Variants in ULK4 observed in about 807,000 individuals in gnomAD.
ULK4 encodes the protein unc-51 like kinase 4.
In ULK4, 133 loss-of-function variants were observed where a neutral mutation model predicts 160.6. That is an observed-to-expected ratio of 0.83 (90% confidence interval 0.72 to 0.96). The LOEUF is 0.96. ULK4 is among the 40% of genes least tolerant of loss of function. The pLI, the probability that ULK4 is intolerant of heterozygous loss-of-function variation, is 0.00. For synonymous variants in ULK4, 534 were observed against 539.8 expected (o/e 0.99, Z 0.15); for missense variants, 1,580 against 1,499.5 (o/e 1.05, Z -0.89).
chr3:41,298,485 G>C (rs149933104), intron 35 of ULK4, among the ~76,000 whole-genome samples: 5 of 152,240 alleles, frequency 3.3e-5, no homozygotes, highest in Non-Finnish European at 4.4e-5. Context: ...TTGCTATTTG[G>C]AAACATTGAA....
chr3:41,479,995 C>T (rs2084265307), intron 32 of ULK4, among the ~76,000 whole-genome samples: 1 of 152,112 alleles, frequency 6.6e-6, no homozygotes, highest in South Asian at 2.1e-4. Context: ...ATCGAGAGGT[C>T]AGGAGATCAA....
At chr3:41,770,081 G>C (rs548485337) in intron 21 of ULK4, among the ~76,000 whole-genome samples, 2 of 152,258 alleles carry the variant, frequency 1.3e-5, no homozygotes, top group Middle Eastern at 3.4e-3. Flanking sequence ...ATGTCTTTCA[G>C]AGAACACACA....
In ULK4 at chr3:41,896,807, G is replaced by A. The variant is rs1698174932; in HGVS notation, c.1530+15C>T. ...ACACAAATTAAAATGCATAAGGCAT[G>A]TCACACAGGCTTACCAGGGGGGAAT... is the stretch of plus-strand genomic sequence containing the variant. On this transcript the variant is annotated intron_variant, in intron 15 of 36. Coordinates refer to ENST00000301831, the MANE Select transcript of ULK4 (RefSeq NM_017886.4). The A allele has an allele frequency of 1.3e-6, 2 of 1,599,830 alleles. 1 individual carries two copies. The highest frequency in any genetic ancestry group is 2.2e-5 in the South Asian group (2 of 90,112).
chr3:41,379,244 A>T (rs1445589901), intron 35 of ULK4, among the ~76,000 whole-genome samples: 2 of 152,170 alleles, frequency 1.3e-5, no homozygotes, highest in Non-Finnish European at 2.9e-5. Context: ...AGTGTTCAGT[A>T]TCCTAAAAAA....
chr3:41,513,766 A>G (rs1017735144), intron 32 of ULK4, among the ~76,000 whole-genome samples: 2 of 152,258 alleles, frequency 1.3e-5, no homozygotes, highest in African/African-American at 4.8e-5. Flanking sequence ...CTAAGCTCTG[A>G]GGATGCAAAG....
intron 16 of ULK4, among the ~76,000 whole-genome samples, chr3:41,888,748 G>A (rs1559630655): frequency 7.0e-6 from 1 of 143,440 alleles, no homozygotes; most frequent in Non-Finnish European, 1.5e-5. Flanking sequence ...AGAGACTGTG[G>A]TCCTCCAGAT....
intron 5 of ULK4, among the ~76,000 whole-genome samples, chr3:41,927,125 A>C (rs1314599569): frequency 6.6e-6 from 1 of 152,234 alleles, no homozygotes; most frequent in African/African-American, 2.4e-5. Flanking sequence ...CGCAAAGGGA[A>C]GCCCATCAGA....
chr3:41,269,182 A>C (rs2079096658), intron 35 of ULK4, among the ~76,000 whole-genome samples: 1 of 152,176 alleles, frequency 6.6e-6, no homozygotes, highest in South Asian at 2.1e-4. Context: ...ATGTGTGATG[A>C]GCAGGACTAT....
intron 20 of ULK4, among the ~76,000 whole-genome samples, chr3:41,798,156 T>G (rs1374968324): frequency 6.6e-6 from 1 of 151,040 alleles, no homozygotes; most frequent in Non-Finnish European, 1.5e-5. Flanking sequence ...TTATGAGACT[T>G]TGGTGGGAAC....
intron 27 of ULK4, among the ~76,000 whole-genome samples, chr3:41,699,765 T>C (rs1270954878): frequency 1.3e-5 from 2 of 152,212 alleles, no homozygotes; most frequent in Admixed American, 1.3e-4. Context: ...TCTTCATGTA[T>C]TCCAGTCATG....
intron 35 of ULK4, among the ~76,000 whole-genome samples, chr3:41,392,110 T>G (rs1219034300): frequency 6.6e-6 from 1 of 152,110 alleles, no homozygotes; most frequent in Non-Finnish European, 1.5e-5. Context: ...TCTACAATCA[T>G]TGCCCTGGGA....
chr3:41,852,765 A>C (rs1186786255), intron 17 of ULK4, among the ~76,000 whole-genome samples: 1 of 152,130 alleles, frequency 6.6e-6, no homozygotes, highest in African/African-American at 2.4e-5. Flanking sequence ...GAAATGGAAC[A>C]AGGGACAACC....
intron 28 of ULK4, 50 bp from the exon 29 acceptor site, chr3:41,681,702 GA>G: frequency 6.2e-7 from 1 of 1,613,692 alleles, no homozygotes; most frequent in Non-Finnish European, 8.5e-7. Flanking sequence ...GAGACAGAAT[GA>G]AAATAGAATG....
intron 32 of ULK4, among the ~76,000 whole-genome samples, chr3:41,491,399 T>C (rs1278185557): frequency 6.6e-6 from 1 of 152,088 alleles, no homozygotes; most frequent in African/African-American, 2.4e-5. Context: ...ACCATATATC[T>C]AAATATGTAA....
At chr3:41,872,531 T>C (rs1012729552) in intron 17 of ULK4, among the ~76,000 whole-genome samples, 13 of 151,620 alleles carry the variant, frequency 8.6e-5, no homozygotes, top group Non-Finnish European at 1.6e-4. Context: ...ACTTAGCACA[T>C]CTGCAGAAGG....
At chr3:41,544,869 C>T (rs1347275602) in intron 32 of ULK4, among the ~76,000 whole-genome samples, 7 of 152,120 alleles carry the variant, frequency 4.6e-5, no homozygotes, top group Admixed American at 3.9e-4. Flanking sequence ...TCTACTTGAC[C>T]TCTACAGTGT....
At chr3:41,328,341 T>G (rs958550035) in intron 35 of ULK4, among the ~76,000 whole-genome samples, 1 of 152,112 alleles carries the variant, frequency 6.6e-6, no homozygotes, top group East Asian at 1.9e-4. Flanking sequence ...TGTTTCCTAT[T>G]ATCAGACCAC....
Position 41,513,106 on chromosome 3 carries a change from T to C in ULK4, c.3227-49853A>G, listed in dbSNP as rs371252245. Among the ~76,000 whole-genome samples the C allele has an allele frequency of 8.7e-4, 133 of 152,258 alleles. No homozygotes were observed. In the Middle Eastern group the frequency reaches 0.01, roughly 12 times the overall value. Reference sequence around the variant, plus strand: ...CACTGGCAAGCCCCATGTAGAAGAATGGAAGTGAAATCTCATCTCTCACCT... The same window carrying C: ...CACTGGCAAGCCCCATGTAGAAGAACGGAAGTGAAATCTCATCTCTCACCT... On this transcript the variant is annotated intron_variant, in intron 32 of 36. Coordinates refer to ENST00000301831, the MANE Select transcript of ULK4 (RefSeq NM_017886.4).
At chr3:41,736,453 C>T (rs959881977) in intron 22 of ULK4, among the ~76,000 whole-genome samples, 6 of 151,968 alleles carry the variant, frequency 3.9e-5, no homozygotes, top group African/African-American at 1.2e-4. Flanking sequence ...TGATGATGAG[C>T]ATTTTTTCAT....
Sources: allele counts gnomAD v4.1 joint callset (sites outside exome capture counted in the v4.1 genomes callset), GRCh38; gene constraint gnomAD v4.1.1; transcripts MANE v1.5; gene names NCBI Gene and HGNC (gene_info 2026-07-23, HGNC 2026-07-21).